RECK: variants seen among roughly 807,000 people sequenced by gnomAD.
RECK encodes the protein reversion inducing cysteine rich protein with kazal motifs.
A neutral mutation model predicts 115.1 loss-of-function variants in RECK; 69 were observed. The ratio of observed to expected loss-of-function variants is 0.60; its 90% confidence interval spans 0.49 to 0.73. The LOEUF (loss-of-function observed/expected upper bound fraction) is 0.73, where lower values mean the gene tolerates loss of function less well. Ranked by LOEUF, RECK falls within the 30% of genes least tolerant of loss-of-function variation. The probability of loss-of-function intolerance (pLI) is 0.00; values close to 1 mark genes in which losing one functional copy is unlikely to be tolerated. For missense variants in RECK, 1,047 were observed against 1,203.7 expected, an observed-to-expected ratio of 0.87 and a Z score of 1.93; for synonymous variants, 414 against 419.7, an observed-to-expected ratio of 0.99 and a Z score of 0.17.
chr9:36,065,366 T>C (rs1310535574), intron 5 of RECK, among the ~76,000 whole-genome samples: 1 of 152,080 alleles, frequency 6.6e-6, no homozygotes, highest in Non-Finnish European at 1.5e-5. Context: ...TCTAGAATAT[T>C]GAGTAGCCCT....
rs1408594875 is a variant in RECK at position 36,117,139 on chromosome 9, C to T, written c.2215C>T (p.Gln739Ter). 5 of 1,612,864 alleles carry T rather than the reference C, an allele frequency of 3.1e-6. No homozygotes were observed. Among genetic ancestry groups the T allele is most frequent in the Non-Finnish European group, 4.2e-6 (5 of 1,179,390 alleles). Residue 739 changes from glutamine to a stop codon, truncating the protein, a stop_gained, in exon 17 of 21, where the codon CAA becomes TAA. Transcript: ENST00000377966. LOFTEE classifies it high-confidence loss of function. ...MEHNNLCTLY[Q>*]RGKSLSYKGP... ...GCACAACAATCTCTGCACTTTATAC[C>T]AAAGAGGAAAAAGCCTCTCTTACAA...
At chr9:36,112,039 C>T (rs1824068658) in intron 15 of RECK, among the ~76,000 whole-genome samples, 2 of 141,274 alleles carry the variant, frequency 1.4e-5, no homozygotes, top group Non-Finnish European at 3.0e-5. Flanking sequence ...AGGAGAATGG[C>T]GTGAACCTGG....
At chr9:36,082,271 C>T (rs1822748642) in intron 7 of RECK, among the ~76,000 whole-genome samples, 1 of 151,706 alleles carries the variant, frequency 6.6e-6, no homozygotes, top group Admixed American at 6.6e-5. Flanking sequence ...GCAACCTCCG[C>T]CTCCTGGGCT....
At chr9:36,085,868 A>G (rs1011721050) in intron 8 of RECK, 2 of 152,164 alleles carry the variant, frequency 1.3e-5, no homozygotes, top group South Asian at 4.1e-4. Flanking sequence ...CAGAGGATGA[A>G]GCATTGCCCC....
intron 6 of RECK, among the ~76,000 whole-genome samples, chr9:36,078,894 T>C (rs1188085771): frequency 2.0e-5 from 3 of 152,092 alleles, no homozygotes; most frequent in African/African-American, 7.2e-5. Flanking sequence ...GTTTATTTGT[T>C]TATTTATTTA....
intron 1 of RECK, among the ~76,000 whole-genome samples, chr9:36,047,630 C>T (rs977174550): frequency 3.3e-5 from 5 of 152,070 alleles, no homozygotes; most frequent in South Asian, 2.1e-4. Context: ...ATGAGTGCTT[C>T]GGTCCTCCCT....
At position 36,096,632 on chromosome 9, in the gene RECK, A is replaced by G. The variant is rs575883990; in HGVS notation, c.1086-3699A>G. 2.0e-5 allele frequency among the ~76,000 whole-genome samples: 3 copies of G among 152,278 alleles called. No homozygotes were observed. In the South Asian group the frequency reaches 6.2e-4, roughly 32 times the overall value. ...TGAATATCTTTATGGAGGGGGAAAA[A>G]ATGAACCTCAACCTGTGTTTCACAC... On this transcript the variant is annotated intron_variant, in intron 10 of 20. Coordinates refer to ENST00000377966, the MANE Select transcript of RECK (RefSeq NM_021111.3).
At chr9:36,083,799 C>T (rs1321890017) in intron 8 of RECK, among the ~76,000 whole-genome samples, 1 of 152,048 alleles carries the variant, frequency 6.6e-6, no homozygotes, top group Non-Finnish European at 1.5e-5. Flanking sequence ...TGGGAGAGTT[C>T]ACTGATATGG....
At chr9:36,089,986 ACAC>A (rs1355602224) in intron 9 of RECK, among the ~76,000 whole-genome samples, 1 of 151,388 alleles carries the variant, frequency 6.6e-6, no homozygotes, top group African/African-American at 2.4e-5. Flanking sequence ...ACACACACAC[ACAC>A]ACACACACAC....
At chr9:36,066,858 C>T (rs1456282126) in intron 6 of RECK, 1 of 1,287,886 alleles carries the variant, frequency 7.8e-7, no homozygotes, top group Non-Finnish European at 1.0e-6. Context: ...TGATGAAGGA[C>T]AAGACAGGAA....
chr9:36,060,337 G>C (rs950736727), intron 4 of RECK, among the ~76,000 whole-genome samples, 182 bp downstream of exon 4: 3 of 151,634 alleles, frequency 2.0e-5, no homozygotes, highest in Admixed American at 6.6e-5. Context: ...GGCTGGTCTT[G>C]AACTCCTGGC....
chr9:36,119,757 C>G (rs1009594143), intron 18 of RECK, among the ~76,000 whole-genome samples: 1 of 152,162 alleles, frequency 6.6e-6, no homozygotes, highest in African/African-American at 2.4e-5. Flanking sequence ...CCATGCAAAT[C>G]TGCACTAAAC....
chr9:36,060,288 A>G (rs1217917970), intron 4 of RECK, 133 bp downstream of exon 4: 2 of 794,764 alleles, frequency 2.5e-6, no homozygotes, highest in African/African-American at 1.8e-5. Context: ...CAACACCTAA[A>G]TTTTTTTTTT....
intron 4 of RECK, among the ~76,000 whole-genome samples, chr9:36,060,439 A>T (rs755956235): frequency 2.0e-5 from 3 of 152,128 alleles, no homozygotes; most frequent in Non-Finnish European, 1.5e-5. Context: ...TACATAATTT[A>T]TTCTCATTCA....
At chr9:36,083,249 T>G in intron 7 of RECK, 116 bp from the exon 8 acceptor site, 1 of 1,074,714 alleles carries the variant, frequency 9.3e-7, no homozygotes, top group Non-Finnish European at 1.4e-6. Context: ...TCATCGTCTG[T>G]GGCATGGTTT....
chr9:36,090,398 T>C (rs1272746264), intron 9 of RECK, among the ~76,000 whole-genome samples: 1 of 152,126 alleles, frequency 6.6e-6, no homozygotes, highest in Non-Finnish European at 1.5e-5. Flanking sequence ...AGTAAAGATA[T>C]CTTTGTCATA....
chr9:36,086,428 G>A (rs1283588193), intron 8 of RECK, among the ~76,000 whole-genome samples: 4 of 152,116 alleles, frequency 2.6e-5, no homozygotes, highest in African/African-American at 9.7e-5. Flanking sequence ...TCGTGGTCTC[G>A]CTGACTTCAG....
At chr9:36,042,242 C>T (rs1007285518) in intron 1 of RECK, among the ~76,000 whole-genome samples, 5 of 151,964 alleles carry the variant, frequency 3.3e-5, no homozygotes, top group Admixed American at 2.6e-4. Flanking sequence ...CCCCAAAGTC[C>T]GTTGTATTGT....
At chr9:36,108,228 A>C in intron 14 of RECK, 64 bp downstream of exon 14, 1 of 1,220,898 alleles carries the variant, frequency 8.2e-7, no homozygotes, top group South Asian at 1.5e-5. Flanking sequence ...TGTAGGAAGA[A>C]TACTGGATAG....
Sources: gnomAD v4.1 joint callset for allele counts (sites outside exome capture counted in the v4.1 genomes callset) on GRCh38, gnomAD v4.1.1 for gene constraint, MANE v1.5 for transcripts, NCBI Gene and HGNC (gene_info 2026-07-23, HGNC 2026-07-21) for gene names.